PSD3: variants seen among roughly 807,000 people sequenced by gnomAD.
PSD3 encodes PH and SEC7 domain-containing protein 3.
A neutral mutation model predicts 105.5 loss-of-function variants in PSD3; 49 were observed. The observed-to-expected ratio is 0.46, with a 90% CI of 0.37 to 0.59. The LOEUF (loss-of-function observed/expected upper bound fraction) is 0.59. Among genes scored for constraint, PSD3 ranks in the 20% least tolerant of loss-of-function variants. The probability of loss-of-function intolerance (pLI) is 0.00; values close to 1 mark genes in which losing one functional copy is unlikely to be tolerated. For missense variants in PSD3, 1,561 were observed against 1,263.8 expected (o/e 1.24, Z -3.57); for synonymous variants, 557 against 457.8 (o/e 1.22, Z -2.77).
At chr8:18,545,860 G>A (rs889890235) in intron 15 of PSD3, among the ~76,000 whole-genome samples, 2 of 152,320 alleles carry the variant, frequency 1.3e-5, no homozygotes, top group East Asian at 3.9e-4. Context: ...TAATGGGACA[G>A]GGTCAGTTCT....
intron 4 of PSD3, among the ~76,000 whole-genome samples, chr8:18,826,065 T>C (rs1047877006): frequency 2.0e-5 from 3 of 152,178 alleles, no homozygotes; most frequent in Admixed American, 6.5e-5. Flanking sequence ...CCCAAAGGCC[T>C]AAATGAATAA....
intron 14 of PSD3, among the ~76,000 whole-genome samples, chr8:18,568,483 G>A (rs1270177251): frequency 7.7e-6 from 1 of 129,898 alleles, no homozygotes. Flanking sequence ...TGAGACTCCA[G>A]AAGCAGGTCA....
At chr8:18,627,021 A>T (rs912048575) in intron 11 of PSD3, among the ~76,000 whole-genome samples, 1 of 152,136 alleles carries the variant, frequency 6.6e-6, no homozygotes, top group Non-Finnish European at 1.5e-5. Flanking sequence ...CCCAAGAAAC[A>T]GTAACTGCTA....
intron 4 of PSD3, among the ~76,000 whole-genome samples, chr8:18,830,901 A>C (rs1357397586): frequency 2.0e-5 from 3 of 152,218 alleles, no homozygotes; most frequent in Admixed American, 6.5e-5. Context: ...AAATACCTAC[A>C]AGAGCCATTT....
At chr8:18,556,024 T>C (rs572088407) in intron 15 of PSD3, among the ~76,000 whole-genome samples, 185 bp downstream of exon 15, 7 of 152,322 alleles carry the variant, frequency 4.6e-5, no homozygotes, top group African/African-American at 1.4e-4. Flanking sequence ...TCTTTGATGT[T>C]TGCTTGGCAC....
chr8:18,676,354 G>A (rs1270060775), intron 9 of PSD3, among the ~76,000 whole-genome samples: 1 of 152,156 alleles, frequency 6.6e-6, no homozygotes, highest in Admixed American at 6.5e-5. Context: ...TGACACAACA[G>A]GAGTGGGACG....
intron 1 of PSD3, among the ~76,000 whole-genome samples, chr8:19,080,532 A>G (rs1829610369): frequency 6.6e-6 from 1 of 152,224 alleles, no homozygotes; most frequent in African/African-American, 2.4e-5. Context: ...TGCACATGAG[A>G]AAATAGACCT....
chr8:18,549,071 A>G (rs575557763), intron 15 of PSD3, among the ~76,000 whole-genome samples: 25 of 152,080 alleles, frequency 1.6e-4, no homozygotes, highest in Non-Finnish European at 2.1e-4. Context: ...ATCACAGGTC[A>G]TGGTTGCAGG....
At chr8:18,953,329 TG>T (rs1823362548) in intron 1 of PSD3, among the ~76,000 whole-genome samples, 1 of 152,184 alleles carries the variant, frequency 6.6e-6, no homozygotes, top group African/African-American at 2.4e-5. Context: ...TGTGTGTGTG[TG>T]TGTATGTACA....
At chr8:18,792,721 G>T (rs1443309140) in intron 8 of PSD3, among the ~76,000 whole-genome samples, 1 of 152,190 alleles carries the variant, frequency 6.6e-6, no homozygotes, top group Non-Finnish European at 1.5e-5. Flanking sequence ...CTTTTACACT[G>T]TTGGTGGGAC....
At chr8:18,766,205 G>A (rs1257730458) in intron 8 of PSD3, among the ~76,000 whole-genome samples, 1 of 151,830 alleles carries the variant, frequency 6.6e-6, no homozygotes, top group East Asian at 1.9e-4. Context: ...GTGGTGGCAG[G>A]CGCCTGTAGT....
chr8:18,588,882 G>A (rs1803388979), intron 12 of PSD3, among the ~76,000 whole-genome samples: 1 of 140,404 alleles, frequency 7.1e-6, no homozygotes, highest in Non-Finnish European at 1.6e-5. Context: ...CTCAAATGTT[G>A]AATGTGAGAA....
chr8:18,605,440 G>T (rs952398038), intron 11 of PSD3, among the ~76,000 whole-genome samples: 2 of 151,866 alleles, frequency 1.3e-5, no homozygotes, highest in Non-Finnish European at 2.9e-5. Context: ...TATCCCCATT[G>T]TATCTTGGGA....
chr8:19,035,600 TC>T (rs555327789), intron 1 of PSD3, among the ~76,000 whole-genome samples: 46 of 152,298 alleles, frequency 3.0e-4, no homozygotes, highest in African/African-American at 1.1e-3. Flanking sequence ...CAGGCTGGTA[TC>T]AAACTCTGGG....
At chr8:18,812,785 C>T (rs1811807721) in intron 4 of PSD3, among the ~76,000 whole-genome samples, 1 of 152,278 alleles carries the variant, frequency 6.6e-6, no homozygotes, top group African/African-American at 2.4e-5. Context: ...TGCCAGGGTG[C>T]ACTGCAGGGA....
intron 8 of PSD3, among the ~76,000 whole-genome samples, chr8:18,767,862 G>A (rs538282752): frequency 1.4e-4 from 21 of 152,124 alleles, no homozygotes; most frequent in Admixed American, 1.1e-3. Context: ...CTATTCTTTC[G>A]TAAAAGGCTA....
chr8:18,622,573 A>AT (rs1806193184), intron 11 of PSD3, among the ~76,000 whole-genome samples: 1 of 152,086 alleles, frequency 6.6e-6, no homozygotes, highest in African/African-American at 2.4e-5. Flanking sequence ...TTAGTGAAAA[A>AT]TTTTTTCCCC....
At chr8:18,650,762 T>C (rs747365147) in intron 10 of PSD3, among the ~76,000 whole-genome samples, 3 of 152,236 alleles carry the variant, frequency 2.0e-5, no homozygotes, top group Non-Finnish European at 2.9e-5. Flanking sequence ...AGTAATTCTA[T>C]GAGCATTTAA....
chr8:18,834,319 A>G (rs939521187), intron 4 of PSD3, among the ~76,000 whole-genome samples: 1 of 152,216 alleles, frequency 6.6e-6, no homozygotes, highest in African/African-American at 2.4e-5. Context: ...ATAGAAAAAC[A>G]CCCATTATAC....
Sources: allele counts gnomAD v4.1 joint callset (sites outside exome capture counted in the v4.1 genomes callset), GRCh38; gene constraint gnomAD v4.1.1; transcripts MANE v1.5; gene names NCBI Gene and HGNC (gene_info 2026-07-23, HGNC 2026-07-21).